FOXP4: variants seen among roughly 807,000 people sequenced by gnomAD.
The protein encoded by FOXP4 is forkhead box P4, also known as forkhead box protein P4.
A neutral mutation model predicts 82.6 loss-of-function variants in FOXP4; 25 were observed. That is an observed-to-expected ratio of 0.30 (90% CI 0.22 to 0.42). FOXP4 has a LOEUF of 0.42. FOXP4 is among the 10% of genes least tolerant of loss of function. The pLI is 1.00. For missense variants in FOXP4, 785 were observed against 900.9 expected (o/e 0.87, Z 1.65); for synonymous variants, 415 against 388.2 (o/e 1.07, Z -0.81).
chr6:41,582,746 AG>A (rs1275415043), intron 3 of FOXP4, among the ~76,000 whole-genome samples: 1 of 152,128 alleles, frequency 6.6e-6, no homozygotes, highest in African/African-American at 2.4e-5. Flanking sequence ...CCACCCCTGC[AG>A]CCTGGCTTTC....
At chr6:41,569,791 T>G (rs1050889146) in intron 2 of FOXP4, among the ~76,000 whole-genome samples, 2 of 152,064 alleles carry the variant, frequency 1.3e-5, no homozygotes, top group African/African-American at 2.4e-5. Context: ...GTCTGGGAAC[T>G]CCCACTGCAG....
intron 1 of FOXP4, among the ~76,000 whole-genome samples, chr6:41,563,162 C>A (rs1178992166): frequency 1.3e-5 from 2 of 152,200 alleles, no homozygotes; most frequent in Non-Finnish European, 2.9e-5. Flanking sequence ...GGAGGCCACT[C>A]AGACTTACTG....
At position 41,557,554 on chromosome 6, in the gene FOXP4, G is replaced by A. The variant is rs115868576; in HGVS notation, c.-16-8191G>A. ...GAACATGCGGCCCATTCAAGCAACT[G>A]TGTGACCATTAGAAACTGTTGCTTA... On this transcript the variant is annotated intron_variant, in intron 1 of 16. Coordinates refer to ENST00000307972, the MANE Select transcript of FOXP4 (RefSeq NM_001012426.2). 5.7e-3 allele frequency among the ~76,000 whole-genome samples: 871 copies of A among 152,310 alleles called. 8 individuals carry two copies. The highest frequency in any genetic ancestry group is 0.02 in the African/African-American group (836 of 41,554).
At chr6:41,587,236 TG>T (rs1482762958) in intron 6 of FOXP4, 62 bp from the exon 7 acceptor site, 1 of 1,608,338 alleles carries the variant, frequency 6.2e-7, no homozygotes, top group African/African-American at 1.3e-5. Flanking sequence ...CCCCTGTTCT[TG>T]GGGCCAGGTA....
chr6:41,568,929 T>C (rs1765030259), intron 2 of FOXP4, among the ~76,000 whole-genome samples: 2 of 152,186 alleles, frequency 1.3e-5, no homozygotes, highest in South Asian at 4.1e-4. Context: ...CTTGTTTCCA[T>C]GCAACGAGCA....
At chr6:41,586,180 T>TCC (rs1447096268) in intron 5 of FOXP4, among the ~76,000 whole-genome samples, 1 of 151,698 alleles carries the variant, frequency 6.6e-6, no homozygotes, top group Non-Finnish European at 1.5e-5. Context: ...ACCCCCAGTC[T>TCC]CCCCCTCAGC....
In FOXP4 at chr6:41,551,018, C is replaced by T. The variant is rs145593503; in HGVS notation, c.-17+4151C>T. The stretch of plus-strand genomic sequence containing the variant: ...CCCTTGAGCCTGAAGTTATTGGCTC[C>T]CTTCAGCGTTGCCTCCCAGGATTCT... On this transcript the variant is annotated intron_variant, in intron 1 of 16. Coordinates refer to ENST00000307972, the MANE Select transcript of FOXP4 (RefSeq NM_001012426.2). Among the ~76,000 whole-genome samples, 366 of 152,308 alleles carry T rather than the reference C, an allele frequency of 2.4e-3. 1 individual carries two copies. Among genetic ancestry groups the T allele is most frequent in the Non-Finnish European group, 4.1e-3 (277 of 68,028 alleles).
At chr6:41,578,494 C>T (rs1765620157) in intron 3 of FOXP4, among the ~76,000 whole-genome samples, 1 of 152,160 alleles carries the variant, frequency 6.6e-6, no homozygotes, top group Non-Finnish European at 1.5e-5. Flanking sequence ...CAGGCCATCT[C>T]TGTTGCTGCA....
At chr6:41,559,807 A>G (rs1250339639) in intron 1 of FOXP4, among the ~76,000 whole-genome samples, 1 of 152,206 alleles carries the variant, frequency 6.6e-6, no homozygotes, top group East Asian at 1.9e-4. Context: ...AACCACCATC[A>G]GCATCACCTA....
intron 16 of FOXP4, chr6:41,598,579 T>A: frequency 1.5e-6 from 1 of 659,616 alleles, no homozygotes; most frequent in East Asian, 2.8e-5. Context: ...CCCTCTTCTC[T>A]CCTCCCCAAC....
At chr6:41,586,056 G>A (rs1766097910) in intron 5 of FOXP4, among the ~76,000 whole-genome samples, 1 of 151,970 alleles carries the variant, frequency 6.6e-6, no homozygotes, top group African/African-American at 2.4e-5. Context: ...GGCCCTGGAG[G>A]CCCTTCTCCC....
chr6:41,562,861 G>C (rs1764665971), intron 1 of FOXP4, among the ~76,000 whole-genome samples: 1 of 152,242 alleles, frequency 6.6e-6, no homozygotes, highest in African/African-American at 2.4e-5. Flanking sequence ...GGCCCAAGTG[G>C]GGGAAGGTGC....
Position 41,546,495 on chromosome 6 carries a change from G to A in FOXP4, c.-389G>A, listed in dbSNP as rs1763620362. 2 of 149,198 alleles carry A rather than the reference G, an allele frequency of 1.3e-5. No homozygotes were observed. The highest frequency in any genetic ancestry group is 1.3e-4 in the Admixed American group (2 of 14,916). The allele number at this position is 149,198 out of a possible 1,614,324, so 9.2% of individuals were successfully genotyped here. The stretch of plus-strand genomic sequence containing the variant: ...GGACGGAGCCCCCAGCCCGCGAGGA[G>A]GGCGCGGCGCAGGCGGCGGCGGCGC... On this transcript the variant is annotated 5_prime_UTR_variant, in exon 1 of 17. Coordinates refer to ENST00000307972, the MANE Select transcript of FOXP4 (RefSeq NM_001012426.2).
At chr6:41,573,744 C>G (rs1765326028) in intron 2 of FOXP4, among the ~76,000 whole-genome samples, 1 of 152,086 alleles carries the variant, frequency 6.6e-6, no homozygotes, top group Non-Finnish European at 1.5e-5. Context: ...TGGGGTTGTT[C>G]CAGTTTTGCA....
At chr6:41,557,239 A>C (rs932491388) in intron 1 of FOXP4, among the ~76,000 whole-genome samples, 10 of 152,212 alleles carry the variant, frequency 6.6e-5, no homozygotes, top group African/African-American at 2.4e-5. Context: ...AATTGAGGGA[A>C]ATCACTAAAG....
At chr6:41,595,022 C>T in intron 14 of FOXP4, 31 bp downstream of exon 14, 1 of 1,613,280 alleles carries the variant, frequency 6.2e-7, no homozygotes, top group Non-Finnish European at 8.5e-7. Context: ...ATGGGCTGTA[C>T]CTGCCCAGGG....
Position 41,597,224 on chromosome 6 carries a change from A to G in FOXP4, c.1707A>G (p.Ala569=). Reference sequence around the variant, plus strand: ...TGATCTCTGGCCTCAGCTATGGAGCACTTAATGCCAGCTACCAGGTGACCT... The same window carrying G: ...TGATCTCTGGCCTCAGCTATGGAGCGCTTAATGCCAGCTACCAGGTGACCT... ...KNMISGLSYG[A]LNASYQAALA... The change falls in exon 15 of 17, where the codon GCA becomes GCG. Residue 569 remains alanine, a synonymous_variant. Coordinates refer to ENST00000307972, the MANE Select transcript of FOXP4 (RefSeq NM_001012426.2). 1 of 1,614,152 alleles carries G rather than the reference A, an allele frequency of 6.2e-7. No individual in the cohort carries two copies. Among genetic ancestry groups the G allele is most frequent in the South Asian group, 1.1e-5 (1 of 91,078 alleles).
chr6:41,571,691 G>GA, intron 2 of FOXP4, among the ~76,000 whole-genome samples: 1 of 152,148 alleles, frequency 6.6e-6, no homozygotes, highest in East Asian at 1.9e-4. Flanking sequence ...TTTCCCAAGG[G>GA]AAAAAAGTGC....
chr6:41,584,937 C>G, intron 4 of FOXP4, 46 bp downstream of exon 4: 1 of 1,556,626 alleles, frequency 6.4e-7, no homozygotes, highest in Non-Finnish European at 8.7e-7. Context: ...TCTGCCTGGC[C>G]TGGCTCCTCC....
Sources: allele counts gnomAD v4.1 joint callset (sites outside exome capture counted in the v4.1 genomes callset), GRCh38; gene constraint gnomAD v4.1.1; transcripts MANE v1.5; gene names NCBI Gene and HGNC (gene_info 2026-07-23, HGNC 2026-07-21).